The following HTR2C variants were observed in gnomAD, a reference collection of about 807,000 sequenced individuals.
HTR2C encodes the protein 5-hydroxytryptamine receptor 2C.
HTR2C carries 5 observed loss-of-function variants against 21.0 expected under a neutral mutation model. The observed-to-expected ratio is 0.24, with a 90% confidence interval of 0.12 to 0.50. HTR2C has a LOEUF of 0.50. Among genes scored for constraint, HTR2C ranks in the 20% least tolerant of loss-of-function variants. The probability of loss-of-function intolerance (pLI) is 0.98; values close to 1 mark genes in which losing one functional copy is unlikely to be tolerated. For synonymous variants in HTR2C, 150 were observed against 145.3 expected (o/e 1.03, Z -0.23); for missense variants, 271 against 371.2 (o/e 0.73, Z 2.22).
At chrX:114,690,324 C>G (rs1438847993) in intron 2 of HTR2C, among the ~76,000 whole-genome samples, 1 of 111,922 alleles carries the variant, frequency 8.9e-6, no homozygotes, top group African/African-American at 3.2e-5. Context: ...CTTCCTAGCA[C>G]AGTACCTTTC....
chrX:114,807,436 C>CAT lies in HTR2C; in HGVS notation c.350-40559_350-40558dup, dbSNP rs782774102. ...CCATATCTATACCATATATATACGC[C>CAT]ATATATATACCATATATATACGCCA... On this transcript the variant is annotated intron_variant, in intron 4 of 5. Coordinates refer to ENST00000276198, the MANE Select transcript of HTR2C (RefSeq NM_000868.4). 6.1e-3 allele frequency among the ~76,000 whole-genome samples: 452 copies of CAT among 74,383 alleles called. 11 individuals are homozygous for CAT. Among genetic ancestry groups the CAT allele is most frequent in the African/African-American group, 0.021 (436 of 20,682 alleles). The allele number at this position is 74,383 out of a possible 115,157, so 64.6% of individuals were successfully genotyped here. A position where few individuals can be genotyped will look rare whatever the true frequency, so the allele number is the denominator to read the frequency against.
intron 4 of HTR2C, among the ~76,000 whole-genome samples, chrX:114,786,026 A>C (rs781900503): frequency 8.9e-6 from 1 of 112,320 alleles, no homozygotes; most frequent in Admixed American, 9.4e-5. Context: ...AGGACAAAGG[A>C]TTTCAAGGGG....
intron 2 of HTR2C, among the ~76,000 whole-genome samples, chrX:114,660,128 C>G (rs1222352471): frequency 3.6e-5 from 4 of 111,546 alleles, no homozygotes; most frequent in Non-Finnish European, 7.5e-5. Context: ...TTTAACGCCA[C>G]AGATATACAG....
At chrX:114,791,111 T>C (rs1442157446) in intron 4 of HTR2C, among the ~76,000 whole-genome samples, 1 of 112,746 alleles carries the variant, frequency 8.9e-6, no homozygotes, top group Non-Finnish European at 1.9e-5. Context: ...TTTCTGACCA[T>C]GCCAATTAAT....
At chrX:114,737,637 GA>G (rs1450558678) in intron 4 of HTR2C, among the ~76,000 whole-genome samples, 3 of 111,682 alleles carry the variant, frequency 2.7e-5, no homozygotes, top group Middle Eastern at 4.6e-3. Flanking sequence ...TATAATCATA[GA>G]AAAAAATAAA....
intron 2 of HTR2C, among the ~76,000 whole-genome samples, chrX:114,705,109 T>A (rs1179721221): frequency 9.6e-6 from 1 of 104,658 alleles, no homozygotes; most frequent in Non-Finnish European, 2.0e-5. Context: ...GAAGAATCAA[T>A]ATCGTGAAAA....
chrX:114,811,265 T>G (rs1300927260), intron 4 of HTR2C, among the ~76,000 whole-genome samples: 1 of 111,527 alleles, frequency 9.0e-6, no homozygotes, highest in Non-Finnish European at 1.9e-5. Context: ...GAAAGAGGTT[T>G]GAAGTAAAGA....
chrX:114,900,172 C>T (rs1282854176), intron 5 of HTR2C, among the ~76,000 whole-genome samples: 11 of 110,842 alleles, frequency 9.9e-5, no homozygotes, highest in African/African-American at 3.0e-4. Flanking sequence ...AAAACTGCCA[C>T]ATGCAAAAAA....
chrX:114,673,051 A>AT (rs782147598), intron 2 of HTR2C, among the ~76,000 whole-genome samples: 2 of 111,673 alleles, frequency 1.8e-5, no homozygotes, highest in Admixed American at 1.9e-4. Context: ...TAATCAGCCA[A>AT]TTTTTTTCAG....
At chrX:114,711,109 ATTC>A (rs1932886265) in intron 2 of HTR2C, among the ~76,000 whole-genome samples, 2 of 112,078 alleles carry the variant, frequency 1.8e-5, no homozygotes, top group African/African-American at 6.5e-5. Context: ...TATATTGCCA[ATTC>A]TTCTATCTTT....
Position 114,803,301 on chromosome X carries a change from C to G in HTR2C, c.350-44702C>G, listed in dbSNP as rs1185709373. Among the ~76,000 whole-genome samples the G allele has an allele frequency of 1.4e-4, 6 of 43,000 alleles. 1 individual carries two copies. The highest frequency in any genetic ancestry group is 3.0e-4 in the African/African-American group (5 of 16,878). The allele number at this position is 43,000 out of a possible 115,157, so 37.3% of individuals were successfully genotyped here. On this transcript the variant is annotated intron_variant, in intron 4 of 5. Transcript: ENST00000276198. ...TTCTAGTTCTAGATCCCTGAGGAAT[C>G]GCCACACTGACTTCCACAATGGTTG...
At chrX:114,708,277 A>C (rs1932833481) in intron 2 of HTR2C, among the ~76,000 whole-genome samples, 1 of 110,574 alleles carries the variant, frequency 9.0e-6, no homozygotes, top group African/African-American at 3.4e-5. Flanking sequence ...TTTTGGCCAC[A>C]TATCAGATTA....
At chrX:114,644,071 G>A (rs1413828246) in intron 2 of HTR2C, among the ~76,000 whole-genome samples, 3 of 109,209 alleles carry the variant, frequency 2.7e-5, no homozygotes. Flanking sequence ...GGCTGCGCAC[G>A]GTGGCTCATG....
intron 2 of HTR2C, among the ~76,000 whole-genome samples, chrX:114,656,642 AT>A (rs782589470): frequency 2.7e-5 from 3 of 109,867 alleles, no homozygotes; most frequent in African/African-American, 3.3e-5. Flanking sequence ...GTCTCAGGTA[AT>A]TTTTTTTTCT....
At chrX:114,597,016 G>A (rs1193573843) in intron 1 of HTR2C, among the ~76,000 whole-genome samples, 2 of 109,959 alleles carry the variant, frequency 1.8e-5, no homozygotes, top group African/African-American at 6.6e-5. Context: ...CCAGGAGTTC[G>A]AGACCAGCCT....
chrX:114,880,988 G>A (rs782724923), intron 5 of HTR2C, among the ~76,000 whole-genome samples: 4 of 110,333 alleles, frequency 3.6e-5, no homozygotes, highest in Non-Finnish European at 5.7e-5. Context: ...AAATGCAGGG[G>A]GATTCCAACT....
At chrX:114,729,442 C>T (rs782134805) in intron 3 of HTR2C, among the ~76,000 whole-genome samples, 1 of 111,547 alleles carries the variant, frequency 9.0e-6, no homozygotes, top group East Asian at 2.8e-4. Context: ...GTCAGATAGC[C>T]AGGACATTGG....
intron 4 of HTR2C, among the ~76,000 whole-genome samples, chrX:114,781,126 T>C (rs939052829): frequency 3.6e-5 from 4 of 110,773 alleles, no homozygotes; most frequent in African/African-American, 1.3e-4. Context: ...AAACAGAAAA[T>C]TATCAGAAGA....
chrX:114,877,230 G>A (rs782479969), intron 5 of HTR2C, among the ~76,000 whole-genome samples: 1 of 111,171 alleles, frequency 9.0e-6, no homozygotes, highest in South Asian at 3.7e-4. Context: ...TACTTTGTTG[G>A]CATGTAATTG....
Sources: gnomAD v4.1 joint callset for allele counts (sites outside exome capture counted in the v4.1 genomes callset) on GRCh38, gnomAD v4.1.1 for gene constraint, MANE v1.5 for transcripts, NCBI Gene and HGNC (gene_info 2026-07-23, HGNC 2026-07-21) for gene names.